TMEM132C: variants seen among roughly 807,000 people sequenced by gnomAD.
TMEM132C encodes the protein protein phosphatase 1, regulatory subunit 152.
TMEM132C carries 29 observed loss-of-function variants against 61.4 expected under a neutral mutation model. The observed-to-expected ratio is 0.47, with a 90% CI of 0.35 to 0.64. The LOEUF (loss-of-function observed/expected upper bound fraction) is 0.64. Among genes scored for constraint, TMEM132C ranks in the 30% least tolerant of loss-of-function variants. TMEM132C has a pLI of 0.00. For synonymous variants in TMEM132C, 656 were observed against 633.1 expected (o/e 1.04, Z -0.54); for missense variants, 1,408 against 1,476.9 (o/e 0.95, Z 0.76).
intron 1 of TMEM132C, among the ~76,000 whole-genome samples, chr12:128,330,205 A>C (rs897517117): frequency 6.6e-6 from 1 of 151,974 alleles, no homozygotes; most frequent in Admixed American, 6.6e-5. Context: ...ATATTTGAAC[A>C]CCCCCAGCAT....
At chr12:128,658,158 ACG>A (rs1954347086) in intron 4 of TMEM132C, among the ~76,000 whole-genome samples, 1 of 110,248 alleles carries the variant, frequency 9.1e-6, no homozygotes, top group Non-Finnish European at 1.9e-5. Context: ...AGGAGCAGGG[ACG>A]CAGCTCCCAT....
chr12:128,403,061 A>G (rs892811494), intron 1 of TMEM132C, among the ~76,000 whole-genome samples: 2 of 152,214 alleles, frequency 1.3e-5, no homozygotes, highest in African/African-American at 4.8e-5. Context: ...AAACCGCGCT[A>G]TGTAATTTCA....
intron 4 of TMEM132C, among the ~76,000 whole-genome samples, chr12:128,634,181 C>T (rs1447124875): frequency 1.3e-5 from 2 of 152,222 alleles, no homozygotes; most frequent in Non-Finnish European, 2.9e-5. Flanking sequence ...TCCAGTGATC[C>T]TCCTGCCTCA....
At chr12:128,681,867 A>C (rs1437832604) in intron 5 of TMEM132C, among the ~76,000 whole-genome samples, 1 of 120,874 alleles carries the variant, frequency 8.3e-6, no homozygotes, top group African/African-American at 3.3e-5. Flanking sequence ...ACAGGGTTTC[A>C]CTATGTTGGC....
At chr12:128,311,816 C>G (rs1436134713) in intron 1 of TMEM132C, among the ~76,000 whole-genome samples, 1 of 152,252 alleles carries the variant, frequency 6.6e-6, no homozygotes, top group East Asian at 1.9e-4. Flanking sequence ...CGTCCACTGT[C>G]CACATCATGC....
At chr12:128,394,122 G>C (rs972059340) in intron 1 of TMEM132C, among the ~76,000 whole-genome samples, 1 of 152,084 alleles carries the variant, frequency 6.6e-6, no homozygotes. Flanking sequence ...CTTACATGGC[G>C]GCAGACAAAA....
chr12:128,610,001 G>T (rs1593119322), intron 3 of TMEM132C, among the ~76,000 whole-genome samples: 1 of 152,310 alleles, frequency 6.6e-6, no homozygotes, highest in African/African-American at 2.4e-5. Context: ...ATCAATGCAG[G>T]GTCTTTTCTG....
intron 4 of TMEM132C, among the ~76,000 whole-genome samples, chr12:128,650,568 AATT>A (rs536433903): frequency 6.6e-6 from 1 of 152,020 alleles, no homozygotes; most frequent in Non-Finnish European, 1.5e-5. Flanking sequence ...TACCAAAAAG[AATT>A]ATTAATAATA....
intron 2 of TMEM132C, among the ~76,000 whole-genome samples, chr12:128,467,544 G>C (rs1335947677): frequency 6.6e-6 from 1 of 152,124 alleles, no homozygotes; most frequent in Non-Finnish European, 1.5e-5. Flanking sequence ...CATTCCATTT[G>C]TTGTTGTTAG....
At chr12:128,292,518 A>G (rs139942475) in intron 1 of TMEM132C, among the ~76,000 whole-genome samples, 12 of 152,226 alleles carry the variant, frequency 7.9e-5, no homozygotes, top group African/African-American at 2.4e-4. Context: ...TGGTACCTAG[A>G]TGAGTGCTGG....
At chr12:128,636,564 T>TGTGTGTGTGTGTG (rs1565998396) in intron 4 of TMEM132C, among the ~76,000 whole-genome samples, 2 of 142,256 alleles carry the variant, frequency 1.4e-5, no homozygotes, top group African/African-American at 5.3e-5. Context: ...GGGTTTTTGT[T>TGTGTGTGTGTGTG]TGTGTGTGTG....
intron 3 of TMEM132C, among the ~76,000 whole-genome samples, chr12:128,597,192 A>G (rs1875998788): frequency 1.3e-5 from 2 of 152,348 alleles, no homozygotes; most frequent in South Asian, 4.1e-4. Context: ...AAGAAAATTA[A>G]GCTGGGGACA....
At chr12:128,458,532 A>G (rs1870426594) in intron 2 of TMEM132C, among the ~76,000 whole-genome samples, 1 of 152,100 alleles carries the variant, frequency 6.6e-6, no homozygotes, top group Non-Finnish European at 1.5e-5. Context: ...TCCCCGGAAC[A>G]TGGTCCCCTT....
At chr12:128,458,007 A>T (rs1870402199) in intron 2 of TMEM132C, among the ~76,000 whole-genome samples, 1 of 152,074 alleles carries the variant, frequency 6.6e-6, no homozygotes, top group African/African-American at 2.4e-5. Context: ...AAAATACAGT[A>T]TGTCAATTTT....
chr12:128,312,398 C>T (rs1872002004), intron 1 of TMEM132C, among the ~76,000 whole-genome samples: 1 of 152,124 alleles, frequency 6.6e-6, no homozygotes, highest in Non-Finnish European at 1.5e-5. Flanking sequence ...CCCAACTTCC[C>T]AGGCTCAGGT....
chr12:128,353,852 A>G (rs529794157), intron 1 of TMEM132C, among the ~76,000 whole-genome samples: 1 of 152,328 alleles, frequency 6.6e-6, no homozygotes, highest in South Asian at 2.1e-4. Flanking sequence ...CACCCAGCAC[A>G]AAGATGCGCT....
At chr12:128,422,017 A>G (rs532518632) in intron 2 of TMEM132C, among the ~76,000 whole-genome samples, 1 of 152,312 alleles carries the variant, frequency 6.6e-6, no homozygotes, top group South Asian at 2.1e-4. Context: ...CTTTTCATGG[A>G]TGTTTTCTTT....
At chr12:128,365,006 G>A (rs1873818424) in intron 1 of TMEM132C, among the ~76,000 whole-genome samples, 1 of 152,232 alleles carries the variant, frequency 6.6e-6, no homozygotes, top group Non-Finnish European at 1.5e-5. Flanking sequence ...GATCATTTAT[G>A]TTGCGGGTTT....
At chr12:128,313,113 C>G (rs953453851) in intron 1 of TMEM132C, among the ~76,000 whole-genome samples, 11 of 152,218 alleles carry the variant, frequency 7.2e-5, no homozygotes, top group Non-Finnish European at 7.3e-5. Context: ...GGGGTGTCTT[C>G]TCATCTGCTC....
Sources: gnomAD v4.1 joint callset for allele counts (sites outside exome capture counted in the v4.1 genomes callset) on GRCh38, gnomAD v4.1.1 for gene constraint, MANE v1.5 for transcripts, NCBI Gene and HGNC (gene_info 2026-07-23, HGNC 2026-07-21) for gene names.